GDPD1: variants seen among roughly 807,000 people sequenced by gnomAD.
The protein encoded by GDPD1 is glycerophosphodiester phosphodiesterase domain containing 1.
In GDPD1, 28 loss-of-function variants were observed where a neutral mutation model predicts 45.1. The ratio of observed to expected loss-of-function variants is 0.62; its 90% CI spans 0.46 to 0.85. GDPD1 has a LOEUF of 0.85. Among genes scored for constraint, GDPD1 ranks in the 40% least tolerant of loss-of-function variants. GDPD1 has a pLI of 0.00. For synonymous variants in GDPD1, 139 were observed against 131.4 expected, an observed-to-expected ratio of 1.06 and a Z score of -0.40; for missense variants, 256 against 364.8, an observed-to-expected ratio of 0.70 and a Z score of 2.43.
At chr17:59,250,455 TA>T (rs1001388622) in intron 4 of GDPD1, among the ~76,000 whole-genome samples, 3 of 151,464 alleles carry the variant, frequency 2.0e-5, no homozygotes, top group African/African-American at 7.3e-5. Context: ...ACCCCGTCTC[TA>T]AAAAAAATAT....
chr17:59,237,940 G>A (rs1306942075), intron 2 of GDPD1, among the ~76,000 whole-genome samples: 7 of 146,302 alleles, frequency 4.8e-5, no homozygotes, highest in Non-Finnish European at 8.9e-5. Context: ...CACAGCCTGG[G>A]CAACAGAGCA....
At chr17:59,221,029 G>C (rs776592242) in intron 1 of GDPD1, among the ~76,000 whole-genome samples, 2 of 152,138 alleles carry the variant, frequency 1.3e-5, no homozygotes, top group Non-Finnish European at 2.9e-5. Context: ...AGAATGAAGG[G>C]TAGGTGGAGC....
At chr17:59,247,335 C>T (rs894881167) in intron 3 of GDPD1, among the ~76,000 whole-genome samples, 4 of 152,142 alleles carry the variant, frequency 2.6e-5, no homozygotes, top group Non-Finnish European at 4.4e-5. Context: ...TATACTATTA[C>T]ACAAAATGGT....
In GDPD1 at chr17:59,257,783, A is replaced by C; in HGVS notation, c.519A>C (p.Glu173Asp). Residue 173 changes from glutamate to aspartate, a missense_variant, in exon 6 of 10, where the codon GAA becomes GAC. Transcript: ENST00000284116. ...VSELVKRYNR[E>D]HLTVWGNANY... ...AGTTGGTGAAGCGGTATAATCGAGA[A>C]CACTTAACAGTGTGGGGTAATGCCA... The C allele has an allele frequency of 1.9e-6, 3 of 1,607,274 alleles. No homozygotes were observed. Among genetic ancestry groups the C allele is most frequent in the Middle Eastern group, 1.7e-4 (1 of 6,040 alleles).
chr17:59,240,371 G>T (rs1460885390), intron 2 of GDPD1, among the ~76,000 whole-genome samples: 4 of 151,912 alleles, frequency 2.6e-5, no homozygotes, highest in African/African-American at 4.8e-5. Flanking sequence ...AAATATATTT[G>T]TACAGCTGTA....
chr17:59,258,369 C>A (rs2047325793), intron 6 of GDPD1, among the ~76,000 whole-genome samples: 1 of 151,906 alleles, frequency 6.6e-6, no homozygotes, highest in African/African-American at 2.4e-5. Context: ...TATGGTGAAA[C>A]CCTGTCTCTA....
In GDPD1 at chr17:59,255,800, T is replaced by TATATATACAC. The variant is rs1555724196; in HGVS notation, c.368-1315_368-1314insCACATATATA. ...ATATATATATACGCGTATATATGTATATATATATATACGCGTATATATATA... is the reference window on the plus strand; with the variant it reads ...ATATATATATACGCGTATATATGTATATATATACACATATATATATACGCGTATATATATA... On this transcript the variant is annotated intron_variant, in intron 4 of 9. Coordinates refer to ENST00000284116, the MANE Select transcript of GDPD1 (RefSeq NM_182569.4). Among the ~76,000 whole-genome samples the TATATATACAC allele has an allele frequency of 4.9e-3, 327 of 66,940 alleles. 21 individuals are homozygous for TATATATACAC. Among genetic ancestry groups the TATATATACAC allele is most frequent in the African/African-American group, 0.017 (165 of 9,792 alleles). 43.9% of individuals were successfully genotyped at this position (66,940 alleles called of 152,430 possible). A position where few individuals can be genotyped will look rare whatever the true frequency, so the allele number is the denominator to read the frequency against.
chr17:59,243,594 C>G (rs1298982617), intron 2 of GDPD1, among the ~76,000 whole-genome samples: 1 of 151,992 alleles, frequency 6.6e-6, no homozygotes, highest in Non-Finnish European at 1.5e-5. Flanking sequence ...TTCAGTCTTT[C>G]AGCCATCAGG....
At chr17:59,223,780 A>G (rs1404477094) in intron 1 of GDPD1, among the ~76,000 whole-genome samples, 1 of 152,170 alleles carries the variant, frequency 6.6e-6, no homozygotes. Flanking sequence ...CTGCAAAAAC[A>G]CATGTCTGTA....
intron 2 of GDPD1, among the ~76,000 whole-genome samples, chr17:59,244,660 CT>C (rs2047197925): frequency 6.6e-6 from 1 of 152,082 alleles, no homozygotes; most frequent in African/African-American, 2.4e-5. Context: ...TAATTTTTTT[CT>C]TGCCTAATTG....
intron 2 of GDPD1, among the ~76,000 whole-genome samples, chr17:59,235,282 A>G (rs2047123163): frequency 6.6e-6 from 1 of 152,144 alleles, no homozygotes; most frequent in South Asian, 2.1e-4. Context: ...GAGCCAATTA[A>G]TGTATATAAT....
chr17:59,245,913 G>C (rs565133886), intron 3 of GDPD1, among the ~76,000 whole-genome samples: 1 of 152,170 alleles, frequency 6.6e-6, no homozygotes, highest in South Asian at 2.1e-4. Context: ...CTGAGGTCAG[G>C]AGTTCGAGAC....
chr17:59,249,131 A>G (rs1383796451), intron 4 of GDPD1: 1 of 159,164 alleles, frequency 6.3e-6, no homozygotes, highest in East Asian at 1.8e-4. Flanking sequence ...GTGGCTCACG[A>G]CTGTAATCCC....
intron 1 of GDPD1, among the ~76,000 whole-genome samples, chr17:59,231,952 C>G (rs1382175097): frequency 6.6e-6 from 1 of 152,094 alleles, no homozygotes; most frequent in Non-Finnish European, 1.5e-5. Context: ...AGGAGTTTAG[C>G]ATGAAGGATG....
intron 8 of GDPD1, among the ~76,000 whole-genome samples, chr17:59,271,813 T>G (rs1227298195): frequency 6.6e-6 from 1 of 151,880 alleles, no homozygotes; most frequent in Non-Finnish European, 1.5e-5. Context: ...TTTGTATTTT[T>G]TAGTAGAGAT....
chr17:59,269,487 A>C (rs979391492), intron 7 of GDPD1, among the ~76,000 whole-genome samples: 55 of 114,776 alleles, frequency 4.8e-4, no homozygotes, highest in African/African-American at 7.1e-4. Context: ...CCCCCCCCCC[A>C]AAAAACACCC....
chr17:59,261,490 TTTA>T lies in GDPD1; in HGVS notation c.576+3671_576+3673del, dbSNP rs766401407. On this transcript the variant is annotated intron_variant, in intron 6 of 9. Coordinates refer to ENST00000284116, the MANE Select transcript of GDPD1 (RefSeq NM_182569.4). ...GATTTTTTTTAATTTAATGATTTAT[TTTA>T]TTATTATTATTATTATTATTTAAAA... is the stretch of plus-strand genomic sequence containing the variant. 1.1e-3 allele frequency among the ~76,000 whole-genome samples: 168 copies of T among 151,270 alleles called. 2 individuals carry two copies. The highest frequency in any genetic ancestry group is 3.8e-3 in the African/African-American group (155 of 41,308).
intron 6 of GDPD1, among the ~76,000 whole-genome samples, chr17:59,258,184 C>T (rs2047324332): frequency 6.6e-6 from 1 of 151,994 alleles, no homozygotes; most frequent in South Asian, 2.1e-4. Context: ...GCCTTGGCCT[C>T]CCAAAGTGGT....
rs942416287 is a variant in GDPD1, at chr17:59,230,370, A to ATTTTTTTTT, written c.143-4100_143-4092dup. On this transcript the variant is annotated intron_variant, in intron 1 of 9. Coordinates refer to ENST00000284116, the MANE Select transcript of GDPD1 (RefSeq NM_182569.4). Reference sequence around the variant, plus strand: ...GAATATTGAACAGGCCAGTTGTAGAATTTTTTTTTTTTTTTTTTTTTTTTT... The same window carrying ATTTTTTTTT: ...GAATATTGAACAGGCCAGTTGTAGAATTTTTTTTTTTTTTTTTTTTTTTTTTTTTTTTTT... 1.6e-4 allele frequency among the ~76,000 whole-genome samples: 13 copies of ATTTTTTTTT among 80,078 alleles called. 1 individual carries two copies. Among genetic ancestry groups the ATTTTTTTTT allele is most frequent in the African/African-American group, 8.8e-4 (13 of 14,828 alleles). The allele number at this position is 80,078 out of a possible 152,430, so 52.5% of individuals were successfully genotyped here. A position where few individuals can be genotyped will look rare whatever the true frequency, so the allele number is the denominator to read the frequency against.
Sources: gnomAD v4.1 joint callset for allele counts (sites outside exome capture counted in the v4.1 genomes callset) on GRCh38, gnomAD v4.1.1 for gene constraint, MANE v1.5 for transcripts, NCBI Gene and HGNC (gene_info 2026-07-23, HGNC 2026-07-21) for gene names.